FGF10: variants seen among roughly 807,000 people sequenced by gnomAD.
FGF10 encodes the protein FGF-10.
A neutral mutation model predicts 19.8 loss-of-function variants in FGF10; 2 were observed. The ratio of observed to expected loss-of-function variants is 0.10; its 90% CI spans 0.04 to 0.32. FGF10 has a LOEUF of 0.32. Ranked by LOEUF, FGF10 falls within the 10% of genes least tolerant of loss-of-function variation. FGF10 has a pLI of 1.00. For missense variants in FGF10, 191 were observed against 246.3 expected, an observed-to-expected ratio of 0.78 and a Z score of 1.50; for synonymous variants, 112 against 94.0, an observed-to-expected ratio of 1.19 and a Z score of -1.10.
chr5:44,385,727 C>G (rs940307292), intron 1 of FGF10, among the ~76,000 whole-genome samples: 1 of 152,124 alleles, frequency 6.6e-6, no homozygotes, highest in Non-Finnish European at 1.5e-5. Context: ...TGGCTGGCTA[C>G]CCTGTAGGCA....
At chr5:44,319,430 C>T (rs566135184) in intron 1 of FGF10, among the ~76,000 whole-genome samples, 24 of 152,104 alleles carry the variant, frequency 1.6e-4, no homozygotes, top group African/African-American at 5.8e-4. Context: ...TAAAATGGGT[C>T]AGTAGAGCAC....
At chr5:44,317,936 A>G (rs1740387102) in intron 1 of FGF10, among the ~76,000 whole-genome samples, 1 of 152,144 alleles carries the variant, frequency 6.6e-6, no homozygotes, top group African/African-American at 2.4e-5. Context: ...ACTGTTCATA[A>G]TAAGTGCTGA....
intron 1 of FGF10, among the ~76,000 whole-genome samples, chr5:44,386,296 A>G (rs1220754264): frequency 6.6e-6 from 1 of 152,214 alleles, no homozygotes; most frequent in Non-Finnish European, 1.5e-5. Context: ...ACCTTAAGTC[A>G]TATCATAAAG....
intron 1 of FGF10, among the ~76,000 whole-genome samples, chr5:44,332,138 T>C (rs1740748663): frequency 6.6e-6 from 1 of 152,132 alleles, no homozygotes; most frequent in Non-Finnish European, 1.5e-5. Flanking sequence ...AGTCTCTCTC[T>C]CTCTCTTAAT....
chr5:44,379,783 C>A (rs1050446232), intron 1 of FGF10, among the ~76,000 whole-genome samples: 1 of 152,146 alleles, frequency 6.6e-6, no homozygotes, highest in Admixed American at 6.5e-5. Flanking sequence ...GATCTCTTTC[C>A]TGAGAGTTCA....
intron 1 of FGF10, among the ~76,000 whole-genome samples, chr5:44,321,189 G>A (rs1268874979): frequency 6.6e-6 from 1 of 152,148 alleles, no homozygotes; most frequent in Non-Finnish European, 1.5e-5. Flanking sequence ...ACTTACAGAA[G>A]AGGCTGCAGT....
rs555337740 is a variant in FGF10 at position 44,328,290 on chromosome 5, G to A, written c.326-17760C>T. 6.5e-4 allele frequency among the ~76,000 whole-genome samples: 99 copies of A among 152,106 alleles called. 1 individual carries two copies. The South Asian group carries it at 0.02, about 31-fold the overall frequency. ...GCAAAATGGTGACACAAATTCTTTA[G>A]GTAGCAAATTTGCTGGCAAATTTAT... On this transcript the variant is annotated intron_variant, in intron 1 of 2. Coordinates refer to ENST00000264664, the MANE Select transcript of FGF10 (RefSeq NM_004465.2).
intron 1 of FGF10, among the ~76,000 whole-genome samples, chr5:44,337,919 G>A (rs866494673): frequency 3.3e-5 from 5 of 152,042 alleles, no homozygotes; most frequent in African/African-American, 4.8e-5. Flanking sequence ...CAGCCTGGGC[G>A]ACACAGCGAG....
At chr5:44,312,486 C>G (rs150254293) in intron 1 of FGF10, among the ~76,000 whole-genome samples, 1 of 152,070 alleles carries the variant, frequency 6.6e-6, no homozygotes, top group Non-Finnish European at 1.5e-5. Flanking sequence ...TACAAGGGAA[C>G]CCTGTTGCAA....
chr5:44,365,461 A>T (rs1741586002), intron 1 of FGF10, among the ~76,000 whole-genome samples: 1 of 151,856 alleles, frequency 6.6e-6, no homozygotes, highest in Non-Finnish European at 1.5e-5. Context: ...AGGAAACTCA[A>T]AACCTTCTTC....
At chr5:44,378,089 G>A (rs771083042) in intron 1 of FGF10, among the ~76,000 whole-genome samples, 3 of 152,112 alleles carry the variant, frequency 2.0e-5, no homozygotes, top group Non-Finnish European at 2.9e-5. Flanking sequence ...ATGTGTTGGG[G>A]GTAACTAGGC....
In FGF10 at chr5:44,320,033, T is replaced by C. The variant is rs538178683; in HGVS notation, c.326-9503A>G. ...GATCAGCAGCAGCATTAGATTCTCA[T>C]AGGAGCTCGAACACTATTGTGAACT... On this transcript the variant is annotated intron_variant, in intron 1 of 2. Transcript: ENST00000264664. Among the ~76,000 whole-genome samples, 474 of 152,228 alleles carry C rather than the reference T, an allele frequency of 3.1e-3. 4 individuals are homozygous for C. Among genetic ancestry groups the C allele is most frequent in the Non-Finnish European group, 4.4e-3 (300 of 68,000 alleles).
chr5:44,306,258 G>T (rs184928255), intron 2 of FGF10, among the ~76,000 whole-genome samples: 7 of 152,062 alleles, frequency 4.6e-5, no homozygotes, highest in African/African-American at 1.2e-4. Flanking sequence ...TTAGCCAGGC[G>T]TATTGGTGGG....
chr5:44,356,451 T>G (rs1055209594), intron 1 of FGF10, among the ~76,000 whole-genome samples: 3 of 151,454 alleles, frequency 2.0e-5, no homozygotes, highest in African/African-American at 4.8e-5. Context: ...GCTCAGGAAC[T>G]TAGTTGGAAA....
At chr5:44,324,399 T>C (rs1289496506) in intron 1 of FGF10, among the ~76,000 whole-genome samples, 2 of 152,250 alleles carry the variant, frequency 1.3e-5, no homozygotes, top group East Asian at 1.9e-4. Flanking sequence ...AAGAAGAATA[T>C]TGAGAAAAAC....
intron 1 of FGF10, among the ~76,000 whole-genome samples, chr5:44,385,714 AG>A (rs1248271640): frequency 6.6e-6 from 1 of 152,208 alleles, no homozygotes; most frequent in Non-Finnish European, 1.5e-5. Context: ...TTTGGTGGAC[AG>A]CTGGCTGGCT....
intron 1 of FGF10, among the ~76,000 whole-genome samples, chr5:44,349,449 T>TC (rs1482766365): frequency 6.3e-5 from 1 of 15,782 alleles, no homozygotes; most frequent in African/African-American, 1.9e-4. Context: ...TATATATATA[T>TC]ATATATATAT....
intron 1 of FGF10, among the ~76,000 whole-genome samples, chr5:44,379,687 A>G (rs1373311002): frequency 1.3e-5 from 2 of 152,206 alleles, no homozygotes; most frequent in African/African-American, 4.8e-5. Context: ...TTAATTTAAC[A>G]TCCAGTTGAA....
chr5:44,364,458 G>A (rs1741561464), intron 1 of FGF10, among the ~76,000 whole-genome samples: 1 of 151,790 alleles, frequency 6.6e-6, no homozygotes. Context: ...TGGGAGGGAG[G>A]TGTTACTGGC....
Sources: allele counts gnomAD v4.1 joint callset (sites outside exome capture counted in the v4.1 genomes callset), GRCh38; gene constraint gnomAD v4.1.1; transcripts MANE v1.5; gene names NCBI Gene and HGNC (gene_info 2026-07-23, HGNC 2026-07-21).